KIAA1614: variants seen among roughly 807,000 people sequenced by gnomAD.
The protein encoded by KIAA1614 is uncharacterized protein KIAA1614.
A neutral mutation model predicts 88.7 loss-of-function variants in KIAA1614; 76 were observed. That is an observed-to-expected ratio of 0.86 (90% CI 0.71 to 1.04). The LOEUF is 1.04. Ranked by LOEUF, KIAA1614 falls within the 50% of genes least tolerant of loss-of-function variation. The probability of loss-of-function intolerance (pLI) is 0.00; values close to 1 mark genes in which losing one functional copy is unlikely to be tolerated. For synonymous variants in KIAA1614, 714 were observed against 675.5 expected, an observed-to-expected ratio of 1.06 and a Z score of -0.88; for missense variants, 1,553 against 1,582.5, an observed-to-expected ratio of 0.98 and a Z score of 0.32.
intron 7 of KIAA1614, among the ~76,000 whole-genome samples, chr1:180,942,693 C>T (rs7511749): frequency 0.95 from 144,319 of 152,210 alleles, 68,871 homozygotes; most frequent in East Asian, 1. Context: ...GTGTCTGAGC[C>T]GTGGCACCCA....
rs750750860 is a variant in KIAA1614 at position 180,916,921 on chromosome 1, G to A, written c.818G>A (p.Gly273Asp). The A allele has an allele frequency of 6.2e-7, 1 of 1,614,252 alleles. No homozygotes were observed. The highest frequency in any genetic ancestry group is 1.3e-5 in the African/African-American group (1 of 75,080). The change falls in exon 2 of 9, where the codon GGT becomes GAT. Residue 273 changes from glycine to aspartate, a missense_variant. By Grantham distance (94) the Gly-to-Asp change is moderately conservative (BLOSUM62 -1). Coordinates refer to ENST00000367588, the MANE Select transcript of KIAA1614 (RefSeq NM_020950.2). ...EVFVPRTALL[G>D]ERWRAGDLEA... ...TTTGTCCCCAGGACGGCCCTGCTGG[G>A]TGAGCGCTGGAGAGCTGGAGACCTG... is the stretch of plus-strand genomic sequence containing the variant.
Position 180,935,825 on chromosome 1 carries a change from G to A in KIAA1614, c.1916G>A (p.Arg639Gln). The A allele has an allele frequency of 2.5e-6, 4 of 1,613,618 alleles. No individual in the cohort carries two copies. The highest frequency in any genetic ancestry group is 2.2e-5 in the South Asian group (2 of 91,068). ...GTSQAGWACG[R>Q]TQGSSPRLRL... ...TCTCAGGCTGGCTGGGCGTGTGGGC[G>A]GACCCAAGGCAGCAGCCCGCGACTG... is the stretch of plus-strand genomic sequence containing the variant. Residue 639 changes from arginine to glutamine, a missense_variant, in exon 5 of 9, where the codon CGG becomes CAG. Coordinates refer to ENST00000367588, the MANE Select transcript of KIAA1614 (RefSeq NM_020950.2). This position sits in a 1 kb window ranked among gnomAD's most constrained non-coding sequence, Gnocchi z 6.1.
chr1:180,941,006 G>GGCCC, intron 6 of KIAA1614, 39 bp from the exon 7 acceptor site: 10 of 908,438 alleles, frequency 1.1e-5, no homozygotes, highest in Non-Finnish European at 1.4e-5. Flanking sequence ...CACCCTCCCG[G>GGCCC]CCCTCCCCCG....
At chr1:180,940,960 G>A in intron 6 of KIAA1614, 85 bp from the exon 7 acceptor site, 1 of 1,215,702 alleles carries the variant, frequency 8.2e-7, no homozygotes, top group Non-Finnish European at 1.1e-6. Flanking sequence ...CCCATCTGCG[G>A]CCCTTGAGAT....
At chr1:180,930,183 G>T (rs1193464700) in intron 4 of KIAA1614, among the ~76,000 whole-genome samples, 2 of 152,320 alleles carry the variant, frequency 1.3e-5, no homozygotes, top group African/African-American at 2.4e-5. Flanking sequence ...ACTTTGGGAG[G>T]CTGAGGCGGG....
At chr1:180,919,721 T>C (rs1024250012) in intron 3 of KIAA1614, among the ~76,000 whole-genome samples, 8 of 152,138 alleles carry the variant, frequency 5.3e-5, no homozygotes, top group African/African-American at 1.9e-4. Flanking sequence ...GCCCCCTCAT[T>C]TTCAAGGAGG....
At chr1:180,915,374 A>G (rs1293296251) in intron 1 of KIAA1614, among the ~76,000 whole-genome samples, 1 of 152,174 alleles carries the variant, frequency 6.6e-6, no homozygotes, top group Admixed American at 6.5e-5. Context: ...AGGGAAGAGC[A>G]TGTTGCCTGT....
chr1:180,941,373 T>C, intron 7 of KIAA1614, 88 bp downstream of exon 7: 5 of 1,467,182 alleles, frequency 3.4e-6, no homozygotes, highest in South Asian at 2.7e-5. Flanking sequence ...GAGGAGGTGA[T>C]GAGGATGCCT....
chr1:180,945,169 T>C, intron 8 of KIAA1614, 134 bp from the exon 9 acceptor site: 3 of 1,120,798 alleles, frequency 2.7e-6, no homozygotes, highest in Non-Finnish European at 2.4e-6. Context: ...TTTTGCTGGC[T>C]GAAGTCAGCA....
At chr1:180,915,475 A>T (rs1446294799) in intron 1 of KIAA1614, among the ~76,000 whole-genome samples, 1 of 152,248 alleles carries the variant, frequency 6.6e-6, no homozygotes, top group African/African-American at 2.4e-5. Flanking sequence ...ACTCTGGTCC[A>T]CATTTGGCAT....
Position 180,935,071 on chromosome 1 carries a change from C to A in KIAA1614, c.1206-44C>A. On this transcript the variant is annotated intron_variant, in intron 4 of 8. Transcript: ENST00000367588. This position sits in a 1 kb window ranked among gnomAD's most constrained non-coding sequence, Gnocchi z 6.1. The stretch of plus-strand genomic sequence containing the variant: ...AGGGCCGATGCGTGTCCATACCTCC[C>A]CAGGTTTCTGCCCTTGACCTCTCTC... 7.6e-7 allele frequency: 1 copy of A among 1,315,722 alleles called. No individual in the cohort carries two copies. Among genetic ancestry groups the A allele is most frequent in the African/African-American group, 1.5e-5 (1 of 65,170 alleles). 81.5% of individuals were successfully genotyped at this position (1,315,722 alleles called of 1,614,324 possible). A position where few individuals can be genotyped will look rare whatever the true frequency, so the allele number is the denominator to read the frequency against.
At chr1:180,928,676 ATG>A (rs1491586077) in intron 4 of KIAA1614, 103 bp downstream of exon 4, 737 of 1,225,162 alleles carry the variant, frequency 6.0e-4, no homozygotes, top group Middle Eastern at 8.1e-4. Flanking sequence ...TGCTCGCTCC[ATG>A]TGTGTGTGTG....
intron 6 of KIAA1614, 40 bp from the exon 7 acceptor site, chr1:180,941,005 G>GGGCCC: frequency 1.1e-5 from 1 of 87,412 alleles, no homozygotes; most frequent in Non-Finnish European, 1.9e-5. Flanking sequence ...CCACCCTCCC[G>GGGCCC]GCCCTCCCCC....
rs746042155 is a variant in KIAA1614, at chr1:180,935,257, G to T, written c.1348G>T (p.Val450Leu). 1.3e-6 allele frequency: 2 copies of T among 1,523,690 alleles called. No individual in the cohort carries two copies. Among genetic ancestry groups the T allele is most frequent in the East Asian group, 5.0e-5 (2 of 40,130 alleles). 94.4% of individuals were successfully genotyped at this position (1,523,690 alleles called of 1,614,324 possible). ...GAGGCGGGGCCCCTCGCCGTCGCACGTGCGCTTTGAGGATGAGTCCGCCCG... is the reference window on the plus strand; with the variant it reads ...GAGGCGGGGCCCCTCGCCGTCGCACTTGCGCTTTGAGGATGAGTCCGCCCG... ...RPRRGPSPSH[V>L]RFEDESAREA... The change falls in exon 5 of 9, where the codon GTG becomes TTG. Residue 450 changes from valine to leucine, a missense_variant. Transcript: ENST00000367588. This position sits in a 1 kb window ranked among gnomAD's most constrained non-coding sequence, Gnocchi z 6.1.
chr1:180,930,971 C>T (rs1018544830), intron 4 of KIAA1614, among the ~76,000 whole-genome samples: 1 of 152,214 alleles, frequency 6.6e-6, no homozygotes, highest in Admixed American at 6.5e-5. Context: ...AGATGCATCA[C>T]TTCTAAAGAG....
Position 180,936,603 on chromosome 1 carries a change from C to T in KIAA1614, c.2694C>T (p.His898=), listed in dbSNP as rs199668431. Residue 898 remains histidine (H), a synonymous_variant, in exon 5 of 9, where the codon CAC becomes CAT. Coordinates refer to ENST00000367588, the MANE Select transcript of KIAA1614 (RefSeq NM_020950.2). ...AGGAGCCCTACGGGGGAGCCGTCCA[C>T]GAGGGTAGGGTGGAGAGGGGCCCCT... ...GLQEPYGGAV[H]EGRVERGPCS... 34 of 1,609,118 alleles carry T rather than the reference C, an allele frequency of 2.1e-5. No homozygotes were observed. The highest frequency in any genetic ancestry group is 4.5e-5 in the East Asian group (2 of 44,832).
At chr1:180,936,780 T>TACACC in intron 5 of KIAA1614, 110 bp downstream of exon 5, 1 of 691,896 alleles carries the variant, frequency 1.4e-6, no homozygotes. Context: ...CCCTTTTATC[T>TACACC]CAATAGTCAG....
intron 3 of KIAA1614, among the ~76,000 whole-genome samples, chr1:180,923,070 G>A (rs1653989649): frequency 6.6e-6 from 1 of 152,218 alleles, no homozygotes; most frequent in Non-Finnish European, 1.5e-5. Flanking sequence ...AGCCATGTGA[G>A]GAGAGGCATG....
chr1:180,935,413 C>T lies in KIAA1614; in HGVS notation c.1504C>T (p.Pro502Ser). The change falls in exon 5 of 9, where the codon CCC (proline) becomes TCC (serine). Residue 502 changes from proline (P) to serine (S), a missense_variant. Coordinates refer to ENST00000367588, the MANE Select transcript of KIAA1614 (RefSeq NM_020950.2). The surrounding 1 kb of genome is among the most constrained non-coding windows in gnomAD (Gnocchi z 6.1). ...PDLADYINGA[P>S]RLRDAGQGTF... is the part of the protein sequence containing the mutation. Reference sequence around the variant, plus strand: ...CCTCGCCGACTACATCAACGGGGCTCCCCGGCTCCGGGACGCGGGGCAGGG... The same window carrying T: ...CCTCGCCGACTACATCAACGGGGCTTCCCGGCTCCGGGACGCGGGGCAGGG... 1 of 1,473,908 alleles carries T rather than the reference C, an allele frequency of 6.8e-7. No individual in the cohort carries two copies. The highest frequency in any genetic ancestry group is 8.9e-7 in the Non-Finnish European group (1 of 1,119,140). 91.3% of individuals were successfully genotyped at this position (1,473,908 alleles called of 1,614,324 possible).
Sources: gnomAD v4.1 joint callset for allele counts (sites outside exome capture counted in the v4.1 genomes callset) on GRCh38, gnomAD v4.1.1 for gene constraint, Gnocchi (gnomAD v3.1) non-coding constraint, MANE v1.5 for transcripts, NCBI Gene and HGNC (gene_info 2026-07-23, HGNC 2026-07-21) for gene names.